The following PTPRK variants were observed in gnomAD, a reference collection of about 807,000 sequenced individuals.
The protein encoded by PTPRK is protein tyrosine phosphatase receptor type K.
Under a neutral mutation model 178.0 loss-of-function variants are expected in PTPRK, and 75 were observed. That is an observed-to-expected ratio of 0.42 (90% CI 0.35 to 0.51). PTPRK has a LOEUF of 0.51. Ranked by LOEUF, PTPRK falls within the 20% of genes least tolerant of loss-of-function variation. The pLI, the probability that PTPRK is intolerant of heterozygous loss-of-function variation, is 0.02. For synonymous variants in PTPRK, 637 were observed against 620.6 expected (o/e 1.03, Z -0.39); for missense variants, 1,441 against 1,797.8 (o/e 0.80, Z 3.59).
intron 7 of PTPRK, among the ~76,000 whole-genome samples, chr6:128,164,064 C>A (rs1055750874): frequency 6.6e-6 from 1 of 151,368 alleles, no homozygotes; most frequent in Non-Finnish European, 1.5e-5. Flanking sequence ...CACCCAAATC[C>A]CTCACTCCTT....
intron 1 of PTPRK, among the ~76,000 whole-genome samples, chr6:128,435,761 C>A (rs1345830726): frequency 6.6e-6 from 1 of 152,088 alleles, no homozygotes; most frequent in Non-Finnish European, 1.5e-5. Context: ...AACAGCTTGG[C>A]CCTGGGTGAA....
intron 7 of PTPRK, among the ~76,000 whole-genome samples, chr6:128,131,674 T>C (rs1444290062): frequency 6.6e-6 from 1 of 152,184 alleles, no homozygotes; most frequent in Non-Finnish European, 1.5e-5. Flanking sequence ...TACAGTTGTA[T>C]CATTGTGCTT....
chr6:128,148,256 A>C (rs747651344), intron 7 of PTPRK, among the ~76,000 whole-genome samples: 21 of 152,240 alleles, frequency 1.4e-4, no homozygotes, highest in Non-Finnish European at 2.6e-4. Context: ...AGGAGAATAC[A>C]TTTTACTTAA....
intron 6 of PTPRK, among the ~76,000 whole-genome samples, chr6:128,187,961 T>C (rs527829601): frequency 3.3e-5 from 5 of 152,334 alleles, no homozygotes; most frequent in Admixed American, 1.3e-4. Context: ...AAAATTTCTA[T>C]TCATTTCAAT....
chr6:128,054,124 T>C (rs1229351334), intron 13 of PTPRK, among the ~76,000 whole-genome samples: 1 of 152,220 alleles, frequency 6.6e-6, no homozygotes, highest in Non-Finnish European at 1.5e-5. Flanking sequence ...ACATAAACTT[T>C]CCAGCTTTTA....
chr6:128,272,823 T>C (rs565140500), intron 3 of PTPRK, among the ~76,000 whole-genome samples: 165 of 152,166 alleles, frequency 1.1e-3, no homozygotes, highest in Non-Finnish European at 1.8e-3. Flanking sequence ...GATCTAGAAC[T>C]AGAAATACCA....
chr6:127,991,147 C>T (rs943833514), intron 20 of PTPRK, 147 bp downstream of exon 20: 17 of 600,182 alleles, frequency 2.8e-5, no homozygotes, highest in Non-Finnish European at 4.2e-5. Context: ...TTCAGCCAGT[C>T]AAGGTCTACT....
intron 3 of PTPRK, among the ~76,000 whole-genome samples, chr6:128,293,022 C>A (rs1823658020): frequency 1.3e-5 from 2 of 151,318 alleles, no homozygotes; most frequent in Admixed American, 6.6e-5. Flanking sequence ...AGCTTTGTGA[C>A]CCTGGTTAAG....
At chr6:128,469,694 C>T (rs191816573) in intron 1 of PTPRK, among the ~76,000 whole-genome samples, 14 of 152,132 alleles carry the variant, frequency 9.2e-5, no homozygotes, top group Admixed American at 6.6e-4. Context: ...TTAGGTTATC[C>T]GGCAAAGAGG....
At chr6:128,112,219 A>G (rs569552932) in intron 7 of PTPRK, among the ~76,000 whole-genome samples, 2 of 152,166 alleles carry the variant, frequency 1.3e-5, no homozygotes, top group East Asian at 3.9e-4. Context: ...TTTTATTTTA[A>G]TGACACTAGC....
intron 1 of PTPRK, among the ~76,000 whole-genome samples, chr6:128,444,603 C>T (rs927809524): frequency 7.2e-5 from 11 of 152,070 alleles, no homozygotes; most frequent in African/African-American, 2.7e-4. Context: ...CTTTAACAGG[C>T]TCAAAGAGAG....
chr6:128,238,024 G>A (rs1431578494), intron 5 of PTPRK: 1 of 450,970 alleles, frequency 2.2e-6, no homozygotes, highest in Non-Finnish European at 4.4e-6. Flanking sequence ...GGGGAAGACT[G>A]ATGTAAGTGA....
At chr6:128,336,082 C>G (rs563868823) in intron 2 of PTPRK, among the ~76,000 whole-genome samples, 28 of 152,326 alleles carry the variant, frequency 1.8e-4, no homozygotes, top group Admixed American at 3.9e-4. Context: ...ATTAATTCAA[C>G]TTTGTCTTAA....
chr6:128,122,936 T>C (rs553843775), intron 7 of PTPRK, among the ~76,000 whole-genome samples: 8 of 152,286 alleles, frequency 5.3e-5, no homozygotes, highest in African/African-American at 1.9e-4. Flanking sequence ...GGATATGGCA[T>C]GGTGTAAGTG....
chr6:128,235,826 A>C (rs141897756), intron 5 of PTPRK, among the ~76,000 whole-genome samples: 2 of 152,200 alleles, frequency 1.3e-5, no homozygotes, highest in African/African-American at 4.8e-5. Context: ...TAGTAGCCTA[A>C]TGCTACATCA....
intron 3 of PTPRK, among the ~76,000 whole-genome samples, chr6:128,293,424 G>A (rs1823742248): frequency 6.6e-6 from 1 of 151,966 alleles, no homozygotes; most frequent in Non-Finnish European, 1.5e-5. Flanking sequence ...CCTTTTATAA[G>A]GGCTTTAAAC....
At chr6:128,293,329 T>C (rs1231745391) in intron 3 of PTPRK, among the ~76,000 whole-genome samples, 4 of 152,058 alleles carry the variant, frequency 2.6e-5, no homozygotes, top group Non-Finnish European at 4.4e-5. Context: ...TGGTGACTTG[T>C]TGCTGCATCC....
chr6:128,103,397 A>C (rs1789122325), intron 7 of PTPRK, among the ~76,000 whole-genome samples: 1 of 152,114 alleles, frequency 6.6e-6, no homozygotes, highest in African/African-American at 2.4e-5. Flanking sequence ...ATTAACACTT[A>C]AGCCATCTGC....
chr6:128,217,723 G>A (rs1025425782), intron 6 of PTPRK, among the ~76,000 whole-genome samples: 3 of 151,978 alleles, frequency 2.0e-5, no homozygotes, highest in African/African-American at 7.3e-5. Context: ...GCTTGCTGGT[G>A]TTTCTTTCTC....
Sources: gnomAD v4.1 joint callset for allele counts (sites outside exome capture counted in the v4.1 genomes callset) on GRCh38, gnomAD v4.1.1 for gene constraint, MANE v1.5 for transcripts, NCBI Gene and HGNC (gene_info 2026-07-23, HGNC 2026-07-21) for gene names.